Variants in TNN observed in about 807,000 individuals in gnomAD.
TNN encodes tenascin-N.
In TNN, 122 loss-of-function variants were observed where a neutral mutation model predicts 134.4. The ratio of observed to expected loss-of-function variants is 0.91; its 90% confidence interval spans 0.78 to 1.06. The LOEUF (loss-of-function observed/expected upper bound fraction) is 1.06. Ranked by LOEUF, TNN falls within the 50% of genes least tolerant of loss-of-function variation. The probability of loss-of-function intolerance (pLI) is 0.00; values close to 1 mark genes in which losing one functional copy is unlikely to be tolerated. For synonymous variants in TNN, 710 were observed against 670.3 expected, an observed-to-expected ratio of 1.06 and a Z score of -0.91; for missense variants, 1,739 against 1,699.4, an observed-to-expected ratio of 1.02 and a Z score of -0.41.
chr1:175,096,450 C>A (rs1408953582), intron 7 of TNN, among the ~76,000 whole-genome samples: 1 of 152,188 alleles, frequency 6.6e-6, no homozygotes, highest in Non-Finnish European at 1.5e-5. Context: ...TGAGTCACTG[C>A]ATGTGGCTGT....
At chr1:175,109,070 G>GTTTTTTTTT (rs1338891175) in intron 9 of TNN, among the ~76,000 whole-genome samples, 4 of 88,338 alleles carry the variant, frequency 4.5e-5, no homozygotes, top group African/African-American at 2.4e-4. Context: ...CTATCTAACT[G>GTTTTTTTTT]TATTTTTTTT....
chr1:175,085,788 T>C (rs1002716164), intron 6 of TNN, among the ~76,000 whole-genome samples: 2 of 150,412 alleles, frequency 1.3e-5, no homozygotes, highest in Non-Finnish European at 2.9e-5. Context: ...GCAAGAGAAT[T>C]GCTTGAGCCC....
intron 15 of TNN, among the ~76,000 whole-genome samples, chr1:175,130,276 C>A (rs1675641270): frequency 6.6e-6 from 1 of 152,170 alleles, no homozygotes; most frequent in Non-Finnish European, 1.5e-5. Flanking sequence ...ACTTGAGCAG[C>A]CATGAATAAA....
chr1:175,122,976 T>A (rs745372885), intron 11 of TNN, among the ~76,000 whole-genome samples: 23 of 152,324 alleles, frequency 1.5e-4, no homozygotes, highest in South Asian at 2.1e-4. Context: ...AGACCTTCCA[T>A]TTCCCTGGGC....
chr1:175,079,153 C>G (rs1305508230), intron 2 of TNN, among the ~76,000 whole-genome samples, 180 bp from the exon 3 acceptor site: 4 of 152,166 alleles, frequency 2.6e-5, no homozygotes, highest in Non-Finnish European at 5.9e-5. Context: ...AGGGCCAACA[C>G]CTTTTCTCCC....
chr1:175,119,420 T>C (rs1435198780), intron 11 of TNN, among the ~76,000 whole-genome samples: 2 of 152,204 alleles, frequency 1.3e-5, no homozygotes, highest in East Asian at 3.9e-4. Context: ...TACTGCAGGC[T>C]GTTTTAACAG....
chr1:175,138,751 C>T (rs531447098), intron 17 of TNN, among the ~76,000 whole-genome samples: 6 of 152,266 alleles, frequency 3.9e-5, no homozygotes, highest in South Asian at 4.1e-4. Context: ...CATTGCTTAA[C>T]GACAGGGATA....
chr1:175,104,000 T>G (rs1674792898), intron 9 of TNN, among the ~76,000 whole-genome samples: 1 of 146,040 alleles, frequency 6.8e-6, no homozygotes, highest in Non-Finnish European at 1.5e-5. Flanking sequence ...AATGGGTAAC[T>G]TGTTCCCCAT....
chr1:175,127,135 G>A (rs768156216), intron 13 of TNN, 50 bp downstream of exon 13: 10 of 1,592,400 alleles, frequency 6.3e-6, no homozygotes, highest in South Asian at 2.3e-5. Flanking sequence ...TCTGTGTGAA[G>A]CAACTAACTT....
chr1:175,101,328 C>T (rs1055643232), intron 9 of TNN, among the ~76,000 whole-genome samples: 5 of 151,624 alleles, frequency 3.3e-5, no homozygotes, highest in African/African-American at 7.3e-5. Flanking sequence ...TGGTTCCTCC[C>T]GGTGGGCTCG....
At position 175,079,451 on chromosome 1, in the gene TNN, C is replaced by T. The variant is rs765574625; in HGVS notation, c.528C>T (p.Ser176=). 7 of 1,571,198 alleles carry T rather than the reference C, an allele frequency of 4.5e-6. No individual in the cohort carries two copies. In the East Asian group the frequency reaches 9.5e-5, roughly 21 times the overall value. ...CERLACPGAC[S]GHGRCVDGRC... is the part of the protein sequence containing the mutation. Reference sequence around the variant, plus strand: ...GGCTGGCCTGCCCCGGGGCGTGCAGCGGCCACGGGCGTTGCGTGGACGGGC... The same window carrying T: ...GGCTGGCCTGCCCCGGGGCGTGCAGTGGCCACGGGCGTTGCGTGGACGGGC... The change falls in exon 3 of 19, where the codon AGC becomes AGT. Residue 176 remains serine (S), a synonymous_variant. Transcript: ENST00000239462.
intron 17 of TNN, among the ~76,000 whole-genome samples, chr1:175,143,387 A>G (rs1675984066): frequency 6.6e-6 from 1 of 152,192 alleles, no homozygotes; most frequent in Non-Finnish European, 1.5e-5. Context: ...AAAGGATGAA[A>G]AATATGATAG....
intron 17 of TNN, 85 bp from the exon 18 acceptor site, chr1:175,144,302 T>C: frequency 5.2e-6 from 7 of 1,355,630 alleles, no homozygotes; most frequent in Non-Finnish European, 7.2e-6. Flanking sequence ...TTTTCATGCC[T>C]AGAGATCTTC....
chr1:175,095,598 G>A (rs1674552086), intron 7 of TNN, among the ~76,000 whole-genome samples: 1 of 152,204 alleles, frequency 6.6e-6, no homozygotes, highest in African/African-American at 2.4e-5. Context: ...GTTTGAGACA[G>A]AGTCTCGCTC....
chr1:175,116,439 G>GAAGTA (rs59055198), intron 9 of TNN, among the ~76,000 whole-genome samples: 35,134 of 151,942 alleles, frequency 0.23, 4,334 homozygotes, highest in African/African-American at 0.31. Flanking sequence ...TACAAATACA[G>GAAGTA]AAGTAAAGCA....
At chr1:175,123,134 C>G (rs1185494957) in intron 11 of TNN, among the ~76,000 whole-genome samples, 3 of 152,052 alleles carry the variant, frequency 2.0e-5, no homozygotes, top group African/African-American at 7.2e-5. Flanking sequence ...TCTTGTTGCT[C>G]AGGAAGTTTT....
intron 9 of TNN, among the ~76,000 whole-genome samples, chr1:175,099,114 A>G (rs941575797): frequency 2.6e-5 from 4 of 152,166 alleles, no homozygotes; most frequent in Admixed American, 2.0e-4. Flanking sequence ...GTCTATTTTC[A>G]TGTAATAGTC....
Position 175,098,317 on chromosome 1 carries a change from A to G in TNN, c.1856-15A>G, listed in dbSNP as rs1187467286. The G allele has an allele frequency of 1.2e-6, 2 of 1,613,988 alleles. No individual in the cohort carries two copies. The highest frequency in any genetic ancestry group is 1.7e-6 in the Non-Finnish European group (2 of 1,180,024). On this transcript the variant is annotated splice_polypyrimidine_tract_variant and intron_variant, in intron 8 of 18. Coordinates refer to ENST00000239462, the MANE Select transcript of TNN (RefSeq NM_022093.2). Reference sequence around the variant, plus strand: ...GGCTTCAGAGCTTAAACCTTTCCAAACATTTTCCTTCCAGATATTGACAGC... The same window carrying G: ...GGCTTCAGAGCTTAAACCTTTCCAAGCATTTTCCTTCCAGATATTGACAGC...
In TNN at chr1:175,078,887, C is replaced by T. The variant is rs192541730; in HGVS notation, c.410-446C>T. The stretch of plus-strand genomic sequence containing the variant: ...CACAAGGTCCCAGCCTTGCTAGTTC[C>T]AGCAAACTCCAACCTCCCTGGATCT... On this transcript the variant is annotated intron_variant, in intron 2 of 18. Coordinates refer to ENST00000239462, the MANE Select transcript of TNN (RefSeq NM_022093.2). Among the ~76,000 whole-genome samples the T allele has an allele frequency of 8.2e-4, 125 of 152,298 alleles. 1 individual carries two copies. Among genetic ancestry groups the T allele is most frequent in the African/African-American group, 2.9e-3 (121 of 41,570 alleles).
Sources: allele counts gnomAD v4.1 joint callset (sites outside exome capture counted in the v4.1 genomes callset), GRCh38; gene constraint gnomAD v4.1.1; transcripts MANE v1.5; gene names NCBI Gene and HGNC (gene_info 2026-07-23, HGNC 2026-07-21).